The following ACOX3 variants were observed in gnomAD, a reference collection of about 807,000 sequenced individuals.
ACOX3 encodes acyl-CoA oxidase 3, pristanoyl, also known as peroxisomal acyl-coenzyme A oxidase 3.
ACOX3 carries 73 observed loss-of-function variants against 81.5 expected under a neutral mutation model. That is an observed-to-expected ratio of 0.90 (90% confidence interval 0.74 to 1.09). The LOEUF (loss-of-function observed/expected upper bound fraction) is 1.09, where lower values mean the gene tolerates loss of function less well. Ranked by LOEUF, ACOX3 falls within the 50% of genes least tolerant of loss-of-function variation. The pLI is 0.00. For synonymous variants in ACOX3, 387 were observed against 375.1 expected (o/e 1.03, Z -0.37); for missense variants, 947 against 928.0 (o/e 1.02, Z -0.27).
chr4:8,415,456 T>TA lies in ACOX3; in HGVS notation c.378+309dup, dbSNP rs1399823554. 3.1e-3 allele frequency among the ~76,000 whole-genome samples: 416 copies of TA among 135,116 alleles called. 1 individual carries two copies. Among genetic ancestry groups the TA allele is most frequent in the Middle Eastern group, 7.8e-3 (2 of 258 alleles). 88.6% of individuals were successfully genotyped at this position (135,116 alleles called of 152,430 possible). On this transcript the variant is annotated intron_variant, in intron 3 of 17. Transcript: ENST00000356406. The stretch of plus-strand genomic sequence containing the variant: ...CATTTGTCTCTTTTTTTGTATGAGG[T>TA]AAAAAAAAAAAAAGTCCCAACAGCT...
intron 1 of ACOX3, chr4:8,438,655 A>T (rs1169939123): frequency 6.6e-6 from 1 of 152,246 alleles, no homozygotes; most frequent in African/African-American, 2.4e-5. Flanking sequence ...TATAAGCCTG[A>T]CACCCCTTTA....
At chr4:8,418,577 A>G (rs1310230645) in intron 1 of ACOX3, among the ~76,000 whole-genome samples, 1 of 152,220 alleles carries the variant, frequency 6.6e-6, no homozygotes, top group African/African-American at 2.4e-5. Flanking sequence ...TGGCCAAAAA[A>G]TACAGGAAAG....
intron 7 of ACOX3, among the ~76,000 whole-genome samples, chr4:8,402,874 G>C (rs1014731863): frequency 6.6e-6 from 1 of 152,188 alleles, no homozygotes; most frequent in Non-Finnish European, 1.5e-5. Context: ...TGGACATCCT[G>C]CTTCTTATTG....
At chr4:8,438,223 GT>G (rs1353170360) in intron 1 of ACOX3, among the ~76,000 whole-genome samples, 1 of 152,162 alleles carries the variant, frequency 6.6e-6, no homozygotes, top group Non-Finnish European at 1.5e-5. Context: ...TTATCCCCAG[GT>G]TTAGACTGCC....
rs1381886756 is a variant in ACOX3, at chr4:8,393,457, C to T, written c.1180-1004G>A. Among the ~76,000 whole-genome samples the T allele has an allele frequency of 2.2e-5, 2 of 92,748 alleles. 1 individual carries two copies. Among genetic ancestry groups the T allele is most frequent in the Non-Finnish European group, 4.3e-5 (2 of 46,320 alleles). 60.8% of individuals were successfully genotyped at this position (92,748 alleles called of 152,430 possible). On this transcript the variant is annotated intron_variant, in intron 10 of 17. Transcript: ENST00000356406. ...TGAGCCAAGATCGCACCACTGCACT[C>T]CAGCCTGGGCAACAGAGCGAGACTC...
rs1341812099 is a variant in ACOX3 at position 8,381,837 on chromosome 4, G to A, written c.1538-230C>T. On this transcript the variant is annotated intron_variant, in intron 13 of 17. Transcript: ENST00000356406. This position sits in a 1 kb window ranked among gnomAD's most constrained non-coding sequence, Gnocchi z 4.3. The stretch of plus-strand genomic sequence containing the variant: ...GAGGCACTTCCTGGCTCAGCCCAGG[G>A]CTGTCCTGAGTTCTACACTGTTCCA... Among the ~76,000 whole-genome samples, 1 of 151,922 alleles carries A rather than the reference G, an allele frequency of 6.6e-6. No individual in the cohort carries two copies. The highest frequency in any genetic ancestry group is 2.4e-5 in the African/African-American group (1 of 41,348).
Position 8,399,457 on chromosome 4 carries a change from G to C in ACOX3, c.873+99C>G. ...CCCAGCGACACCTGGCCTACGTGGA[G>C]GGGTCTCCTTTCCAGGTGCAGGGAG... On this transcript the variant is annotated intron_variant, in intron 8 of 17. Transcript: ENST00000356406. This position sits in a 1 kb window ranked among gnomAD's most constrained non-coding sequence, Gnocchi z 4.9. 1 of 1,049,188 alleles carries C rather than the reference G, an allele frequency of 9.5e-7. No individual in the cohort carries two copies. Among genetic ancestry groups the C allele is most frequent in the Non-Finnish European group, 1.4e-6 (1 of 696,716 alleles). 65.0% of individuals were successfully genotyped at this position (1,049,188 alleles called of 1,614,324 possible).
In ACOX3 at chr4:8,368,612, G is replaced by A. The variant is rs943218365; in HGVS notation, c.1984-1532C>T. On this transcript the variant is annotated intron_variant, in intron 17 of 17. Transcript: ENST00000356406. The surrounding 1 kb of genome is among the most constrained non-coding windows in gnomAD (Gnocchi z 5.9). ...CTTATGTTTCACAGTTTGGAGCAGC[G>A]GGCTTGATTTAAGGATGGTCTCAAC... Among the ~76,000 whole-genome samples the A allele has an allele frequency of 1.3e-5, 2 of 152,164 alleles. No individual in the cohort carries two copies. The highest frequency in any genetic ancestry group is 6.5e-5 in the Admixed American group (1 of 15,278).
In ACOX3 at chr4:8,406,054, C is replaced by T. The variant is rs771936359; in HGVS notation, c.688-11G>A. On this transcript the variant is annotated splice_polypyrimidine_tract_variant and intron_variant, in intron 6 of 17. Coordinates refer to ENST00000356406, the MANE Select transcript of ACOX3 (RefSeq NM_003501.3). The surrounding 1 kb of genome is among the most constrained non-coding windows in gnomAD (Gnocchi z 5.6). ...CTTCGGGTCCCGGATCTATACAAAG[C>T]CACAGAAAGCAGCAAACAGCAACTG... 5 of 1,612,708 alleles carry T rather than the reference C, an allele frequency of 3.1e-6. No individual in the cohort carries two copies. The East Asian group carries it at 8.9e-5, about 29-fold the overall frequency.
chr4:8,396,994 C>T lies in ACOX3; in HGVS notation c.999G>A (p.Arg333=). 6.2e-7 allele frequency: 1 copy of T among 1,612,014 alleles called. No individual in the cohort carries two copies. The highest frequency in any genetic ancestry group is 1.7e-5 in the Admixed American group (1 of 59,584). The part of the protein sequence containing the change: ...VAIALRFSAT[R]RQFGPTEEEE... ...CCTCCTCTGTGGGTCCAAACTGACG[C>T]CGAGTGGCTGAGAAGCGAAGAGCGA... Residue 333 remains arginine, a synonymous_variant, in exon 9 of 18, where the codon CGG becomes CGA. Transcript: ENST00000356406.
rs988635735 is a variant in ACOX3 at position 8,381,787 on chromosome 4, C to T, written c.1538-180G>A. 4.6e-5 allele frequency among the ~76,000 whole-genome samples: 7 copies of T among 152,208 alleles called. No individual in the cohort carries two copies. The highest frequency in any genetic ancestry group is 7.3e-5 in the Non-Finnish European group (5 of 68,032). ...TAGGGAAACTGAAGCACAGGGAGGG[C>T]ACCTGCCCAGGGCCCCCCTGGCTGG... On this transcript the variant is annotated intron_variant, in intron 13 of 17. Coordinates refer to ENST00000356406, the MANE Select transcript of ACOX3 (RefSeq NM_003501.3). The surrounding 1 kb of genome is among the most constrained non-coding windows in gnomAD (Gnocchi z 4.3).
chr4:8,358,650 TC>T, the ACOX3 span, among the ~76,000 whole-genome samples: 2 of 152,098 alleles, frequency 1.3e-5, no homozygotes, highest in Non-Finnish European at 2.9e-5. Flanking sequence ...GCTGGCTAAA[TC>T]CCACCAAAAC....
chr4:8,393,645 A>G (rs866601675), intron 10 of ACOX3, among the ~76,000 whole-genome samples: 6 of 143,424 alleles, frequency 4.2e-5, no homozygotes, highest in Non-Finnish European at 9.5e-5. Flanking sequence ...ACGCACACAC[A>G]CACACACACA....
chr4:8,361,639 A>T (rs1715236601), downstream of ACOX3, among the ~76,000 whole-genome samples: 1 of 152,050 alleles, frequency 6.6e-6, no homozygotes, highest in South Asian at 2.1e-4. Context: ...CTTCGAGCAA[A>T]AACCTGCCTA....
rs536800917 is a variant in ACOX3 at position 8,375,705 on chromosome 4, C to T, written c.1654-553G>A. On this transcript the variant is annotated intron_variant, in intron 14 of 17. Coordinates refer to ENST00000356406, the MANE Select transcript of ACOX3 (RefSeq NM_003501.3). ...TAAGGCCCCCGCAGGCTCTGCCGCT[C>T]CCATCTTTATGTCCATGAGTGCCCC... Among the ~76,000 whole-genome samples, 7 of 152,374 alleles carry T rather than the reference C, an allele frequency of 4.6e-5. No individual in the cohort carries two copies. In the East Asian group the frequency reaches 1.3e-3, roughly 29 times the overall value.
At chr4:8,357,338 G>A in the ACOX3 span, 9 of 440,416 alleles carry the variant, frequency 2.0e-5, no homozygotes, top group South Asian at 3.2e-5. Flanking sequence ...TTCAGCTTCA[G>A]TGCTGGGTGC....
chr4:8,402,609 C>T (rs947673236), intron 7 of ACOX3, among the ~76,000 whole-genome samples: 5 of 152,200 alleles, frequency 3.3e-5, no homozygotes, highest in Non-Finnish European at 5.9e-5. Context: ...CAAACTTCCA[C>T]GAATTCTCAG....
In ACOX3 at chr4:8,389,617, AC is replaced by A. The variant is rs1560178144; in HGVS notation, c.1417del (p.Val473SerfsTer11). 6.2e-7 allele frequency: 1 copy of A among 1,613,746 alleles called. No homozygotes were observed. Among genetic ancestry groups the A allele is most frequent in the East Asian group, 2.2e-5 (1 of 44,884 alleles). On this transcript the variant is annotated frameshift_variant, in exon 12 of 18. Coordinates refer to ENST00000356406, the MANE Select transcript of ACOX3 (RefSeq NM_003501.3). LOFTEE classifies it high-confidence loss of function. The surrounding 1 kb of genome is among the most constrained non-coding windows in gnomAD (Gnocchi z 5.3). Reference protein sequence around the residue: ...NYLLGLLAHQVHDGACFRSPL... With the variant: ...NYLLGLLAHQXHDGACFRSPL... ...AGTGTGCAGCAGAGCCTCACCGTGG[AC>A]CTGGTGTGCCAGGAGACCCAGCAAA...
At chr4:8,397,186 G>C in intron 8 of ACOX3, 67 bp from the exon 9 acceptor site, 1 of 1,424,860 alleles carries the variant, frequency 7.0e-7, no homozygotes, top group Non-Finnish European at 9.3e-7. Context: ...GAGTGGCTCA[G>C]AGGCGAAGGT....
Sources: allele counts gnomAD v4.1 joint callset (sites outside exome capture counted in the v4.1 genomes callset), GRCh38; gene constraint gnomAD v4.1.1; non-coding constraint Gnocchi (gnomAD v3.1); transcripts MANE v1.5; gene names NCBI Gene and HGNC (gene_info 2026-07-23, HGNC 2026-07-21).